The following SAMD4A variants were observed in gnomAD, a reference collection of about 807,000 sequenced individuals.
SAMD4A encodes the protein sterile alpha motif domain containing 4A, also known as protein Smaug homolog 1.
SAMD4A carries 33 observed loss-of-function variants against 81.3 expected under a neutral mutation model. That is an observed-to-expected ratio of 0.41 (90% confidence interval 0.31 to 0.54). The LOEUF (loss-of-function observed/expected upper bound fraction) is 0.54, where lower values mean the gene tolerates loss of function less well. Ranked by LOEUF, SAMD4A falls within the 20% of genes least tolerant of loss-of-function variation. The pLI, the probability that SAMD4A is intolerant of heterozygous loss-of-function variation, is 0.37. For synonymous variants in SAMD4A, 389 were observed against 382.1 expected (o/e 1.02, Z -0.21); for missense variants, 854 against 951.1 (o/e 0.90, Z 1.34).
chr14:54,775,608 C>T (rs942399220), intron 10 of SAMD4A, among the ~76,000 whole-genome samples: 18 of 152,110 alleles, frequency 1.2e-4, no homozygotes, highest in African/African-American at 4.3e-4. Context: ...CCCAGAGGTT[C>T]TTGCTGTGCA....
intron 2 of SAMD4A, among the ~76,000 whole-genome samples, chr14:54,682,502 G>A (rs2036151331): frequency 6.6e-6 from 1 of 152,182 alleles, no homozygotes; most frequent in African/African-American, 2.4e-5. Flanking sequence ...GGCTCATTTT[G>A]TGAATCTGAC....
At chr14:54,585,049 T>C (rs1284086771) in intron 2 of SAMD4A, among the ~76,000 whole-genome samples, 1 of 152,190 alleles carries the variant, frequency 6.6e-6, no homozygotes, top group African/African-American at 2.4e-5. Flanking sequence ...AAATTTTTCT[T>C]ACACAAATAT....
chr14:54,738,467 T>G (rs965757814), intron 4 of SAMD4A, among the ~76,000 whole-genome samples: 1 of 152,158 alleles, frequency 6.6e-6, no homozygotes, highest in African/African-American at 2.4e-5. Context: ...CCCATTTCAT[T>G]GATGGTTCCA....
chr14:54,793,265 C>T lies in SAMD4A; in HGVS notation c.*4321C>T, dbSNP rs912174711. ...GAATCATGGCTATATTTCATATCAA[C>T]GTTATATTGAAAGTGAAGGGAAATG... On this transcript the variant is annotated 3_prime_UTR_variant, in exon 13 of 13. Transcript: ENST00000554335. 5.3e-5 allele frequency: 8 copies of T among 152,024 alleles called. No homozygotes were observed. The highest frequency in any genetic ancestry group is 1.4e-4 in the African/African-American group (6 of 41,390). The allele number at this position is 152,024 out of a possible 1,614,324, so 9.4% of individuals were successfully genotyped here. A position where few individuals can be genotyped will look rare whatever the true frequency, so the allele number is the denominator to read the frequency against.
intron 5 of SAMD4A, 88 bp from the exon 6 acceptor site, chr14:54,751,363 C>T: frequency 1.2e-6 from 1 of 824,826 alleles, no homozygotes; most frequent in Non-Finnish European, 2.0e-6. Flanking sequence ...GCAAAGAAGA[C>T]AGTAAAAGCC....
chr14:54,788,926 C>G lies in SAMD4A; in HGVS notation c.2139C>G (p.Asp713Glu). ...MTEHALGDGV[D>E]RTSTI The stretch of plus-strand genomic sequence containing the variant: ...TGCTTTCTCTCCCAGACGGGGTTGA[C>G]CGGACCTCCACCATCTAGAAGCTGA... The change falls in exon 13 of 13, where the codon GAC (aspartate) becomes GAG (glutamate). Residue 713 changes from aspartate (D) to glutamate (E), a missense_variant. Around this residue, in one of 3 missense-constraint regions of SAMD4A, gnomAD observed 428 missense variants for 471.2 expected, o/e 0.91. Coordinates refer to ENST00000554335, the MANE Select transcript of SAMD4A (RefSeq NM_015589.6). 6.2e-7 allele frequency: 1 copy of G among 1,614,208 alleles called. No individual in the cohort carries two copies. The highest frequency in any genetic ancestry group is 8.5e-7 in the Non-Finnish European group (1 of 1,180,044).
chr14:54,694,765 G>A, intron 2 of SAMD4A: 2 of 985,444 alleles, frequency 2.0e-6, no homozygotes, highest in Non-Finnish European at 2.4e-6. Context: ...ACCCTAACTT[G>A]AGTCCTTGGC....
intron 2 of SAMD4A, among the ~76,000 whole-genome samples, chr14:54,624,590 G>C (rs1264871940): frequency 6.6e-6 from 1 of 152,236 alleles, no homozygotes; most frequent in African/African-American, 2.4e-5. Flanking sequence ...ATGTAGTTGA[G>C]ATTCAAAAGT....
intron 2 of SAMD4A, among the ~76,000 whole-genome samples, chr14:54,644,522 G>A (rs2035243856): frequency 6.6e-6 from 1 of 152,158 alleles, no homozygotes; most frequent in Non-Finnish European, 1.5e-5. Context: ...GAGAAAAGAA[G>A]ACATAAAGAG....
intron 2 of SAMD4A, among the ~76,000 whole-genome samples, chr14:54,691,710 G>A (rs1399392812): frequency 6.6e-6 from 1 of 152,214 alleles, no homozygotes; most frequent in Non-Finnish European, 1.5e-5. Context: ...GCTGGCGGCT[G>A]GAGGGGAAGC....
chr14:54,659,929 T>G (rs1486514200), intron 2 of SAMD4A, among the ~76,000 whole-genome samples: 1 of 152,140 alleles, frequency 6.6e-6, no homozygotes, highest in Non-Finnish European at 1.5e-5. Context: ...ACAGGCCTTT[T>G]GATTAGCCGA....
chr14:54,608,222 G>A (rs931749616), intron 2 of SAMD4A, among the ~76,000 whole-genome samples: 1 of 152,078 alleles, frequency 6.6e-6, no homozygotes, highest in African/African-American at 2.4e-5. Flanking sequence ...CTACCTTCAT[G>A]TTGGGGATGA....
At chr14:54,640,866 C>A (rs116866540) in intron 2 of SAMD4A, among the ~76,000 whole-genome samples, 2,085 of 152,276 alleles carry the variant, frequency 0.014, 24 homozygotes, top group South Asian at 0.022. Context: ...TTCCTACTGG[C>A]CTTCCCCTTA....
chr14:54,681,897 A>G, intron 2 of SAMD4A: 2 of 985,436 alleles, frequency 2.0e-6, no homozygotes, highest in Non-Finnish European at 2.4e-6. Context: ...GCTCTGGAGG[A>G]TGGAAAGATT....
At chr14:54,597,003 T>G (rs549389719) in intron 2 of SAMD4A, among the ~76,000 whole-genome samples, 232 of 152,160 alleles carry the variant, frequency 1.5e-3, no homozygotes, top group Non-Finnish European at 2.5e-3. Flanking sequence ...CATGCAGAAG[T>G]GTTTTGTTTC....
intron 3 of SAMD4A, among the ~76,000 whole-genome samples, chr14:54,709,730 G>T (rs186393503): frequency 6.6e-6 from 1 of 152,320 alleles, no homozygotes; most frequent in African/African-American, 2.4e-5. Flanking sequence ...CTTACACAAG[G>T]CTTGGTCAAC....
chr14:54,593,356 A>T (rs1269889883), intron 2 of SAMD4A, among the ~76,000 whole-genome samples: 2 of 152,096 alleles, frequency 1.3e-5, no homozygotes, highest in Non-Finnish European at 2.9e-5. Flanking sequence ...ATTGTATTTC[A>T]TATCTGTGGC....
chr14:54,606,238 C>T (rs886914793), intron 2 of SAMD4A, among the ~76,000 whole-genome samples: 1 of 151,476 alleles, frequency 6.6e-6, no homozygotes, highest in East Asian at 1.9e-4. Flanking sequence ...TGCACGTGTG[C>T]GCTCATTTCT....
chr14:54,572,066 AT>A (rs1594677302), intron 2 of SAMD4A, among the ~76,000 whole-genome samples: 1 of 152,302 alleles, frequency 6.6e-6, no homozygotes, highest in Non-Finnish European at 1.5e-5. Context: ...TTCCACAAAC[AT>A]TTTCTGACTG....
Sources: gnomAD v4.1 joint callset for allele counts (sites outside exome capture counted in the v4.1 genomes callset) on GRCh38, gnomAD v4.1.1 for gene constraint, gnomAD v4.1.1 regional missense constraint, MANE v1.5 for transcripts, NCBI Gene and HGNC (gene_info 2026-07-23, HGNC 2026-07-21) for gene names.